The following KCND2 variants were observed in gnomAD, a reference collection of about 807,000 sequenced individuals.
KCND2 encodes the protein A-type voltage-gated potassium channel KCND2.
Under a neutral mutation model 54.4 loss-of-function variants are expected in KCND2, and 16 were observed. The ratio of observed to expected loss-of-function variants is 0.29; its 90% CI spans 0.20 to 0.45. The LOEUF (loss-of-function observed/expected upper bound fraction) is 0.45, where lower values mean the gene tolerates loss of function less well. KCND2 is among the 20% of genes least tolerant of loss of function. The pLI, the probability that KCND2 is intolerant of heterozygous loss-of-function variation, is 1.00. For missense variants in KCND2, 486 were observed against 824.2 expected (o/e 0.59, Z 5.02); for synonymous variants, 317 against 310.7 (o/e 1.02, Z -0.21).
At chr7:120,305,713 A>G (rs1799644284) in intron 1 of KCND2, among the ~76,000 whole-genome samples, 1 of 152,156 alleles carries the variant, frequency 6.6e-6, no homozygotes, top group African/African-American at 2.4e-5. Flanking sequence ...ACTTCTCTGC[A>G]AATTGAATCC....
At chr7:120,287,680 C>T (rs1799367206) in intron 1 of KCND2, among the ~76,000 whole-genome samples, 1 of 152,008 alleles carries the variant, frequency 6.6e-6, no homozygotes, top group Non-Finnish European at 1.5e-5. Context: ...TAGTGAAATA[C>T]TGTCTCTACT....
At chr7:120,277,877 G>T (rs1230752954) in intron 1 of KCND2, among the ~76,000 whole-genome samples, 1 of 151,934 alleles carries the variant, frequency 6.6e-6, no homozygotes, top group East Asian at 1.9e-4. Context: ...AGTGGATTTA[G>T]TTCACATGTT....
At chr7:120,563,201 T>C (rs1030009878) in intron 1 of KCND2, among the ~76,000 whole-genome samples, 3 of 152,088 alleles carry the variant, frequency 2.0e-5, no homozygotes, top group African/African-American at 7.2e-5. Context: ...AAGTAAACAT[T>C]CCCCCTTTCC....
intron 1 of KCND2, among the ~76,000 whole-genome samples, chr7:120,417,584 G>A (rs1225930235): frequency 6.6e-6 from 1 of 152,100 alleles, no homozygotes; most frequent in South Asian, 2.1e-4. Context: ...GAAATAAAAG[G>A]CTAAAACAAA....
chr7:120,649,423 A>G (rs1300421016), intron 1 of KCND2, among the ~76,000 whole-genome samples: 1 of 152,288 alleles, frequency 6.6e-6, no homozygotes, highest in Non-Finnish European at 1.5e-5. Context: ...TGCCAACTTT[A>G]AGTACATAGT....
intron 1 of KCND2, among the ~76,000 whole-genome samples, chr7:120,355,425 T>C (rs1800488631): frequency 2.0e-5 from 3 of 152,184 alleles, no homozygotes; most frequent in Admixed American, 1.3e-4. Flanking sequence ...TGTGTGCCTG[T>C]AGTCTCAGCC....
intron 1 of KCND2, among the ~76,000 whole-genome samples, chr7:120,462,362 G>A (rs559100960): frequency 1.1e-4 from 17 of 151,962 alleles, no homozygotes; most frequent in African/African-American, 4.1e-4. Flanking sequence ...AAAGAAGCAT[G>A]TTCAACATAA....
At chr7:120,323,012 G>A (rs918108338) in intron 1 of KCND2, among the ~76,000 whole-genome samples, 7 of 152,046 alleles carry the variant, frequency 4.6e-5, no homozygotes, top group Non-Finnish European at 5.9e-5. Context: ...TAAGTTCTGG[G>A]ATACATGTGC....
intron 1 of KCND2, among the ~76,000 whole-genome samples, chr7:120,646,028 A>C (rs1793438254): frequency 6.6e-6 from 1 of 152,200 alleles, no homozygotes; most frequent in African/African-American, 2.4e-5. Flanking sequence ...TCTTTTGTGC[A>C]GCTGTGGACC....
intron 1 of KCND2, among the ~76,000 whole-genome samples, chr7:120,438,595 G>A (rs777045325): frequency 1.8e-4 from 28 of 152,054 alleles, no homozygotes; most frequent in Non-Finnish European, 3.1e-4. Context: ...TAATACTAGT[G>A]GGTCTTTTTT....
At chr7:120,333,785 C>CA (rs1584734650) in intron 1 of KCND2, among the ~76,000 whole-genome samples, 1 of 152,092 alleles carries the variant, frequency 6.6e-6, no homozygotes, top group East Asian at 1.9e-4. Context: ...TATCTATTAG[C>CA]ATTCATCAAA....
chr7:120,427,124 C>T (rs1174612409), intron 1 of KCND2, among the ~76,000 whole-genome samples: 6 of 152,132 alleles, frequency 3.9e-5, no homozygotes, highest in East Asian at 3.8e-4. Flanking sequence ...CAGTGTTTCT[C>T]GTTGTCTTCC....
Position 120,750,283 on chromosome 7 carries a change from A to G in KCND2, c.*2425A>G, listed in dbSNP as rs939794645. The stretch of plus-strand genomic sequence containing the variant: ...AATATCTGCATTATGCTGGAAAAAA[A>G]TAGACCTTTGGAGAATACTTAAATA... On this transcript the variant is annotated 3_prime_UTR_variant, in exon 6 of 6. Transcript: ENST00000331113. The G allele has an allele frequency of 1.3e-5, 2 of 152,420 alleles. No individual in the cohort carries two copies. Among genetic ancestry groups the G allele is most frequent in the African/African-American group, 4.8e-5 (2 of 41,448 alleles). 9.4% of individuals were successfully genotyped at this position (152,420 alleles called of 1,614,324 possible). A position where few individuals can be genotyped will look rare whatever the true frequency, so the allele number is the denominator to read the frequency against.
intron 1 of KCND2, among the ~76,000 whole-genome samples, chr7:120,536,059 C>G (rs1364638359): frequency 6.6e-6 from 1 of 152,092 alleles, no homozygotes; most frequent in African/African-American, 2.4e-5. Context: ...TAATAATAGG[C>G]TTACCTCAGA....
At chr7:120,481,460 T>C (rs923233257) in intron 1 of KCND2, among the ~76,000 whole-genome samples, 11 of 152,176 alleles carry the variant, frequency 7.2e-5, no homozygotes, top group African/African-American at 2.7e-4. Context: ...CTAGGTATTA[T>C]TGACCATTTA....
intron 1 of KCND2, among the ~76,000 whole-genome samples, chr7:120,556,960 T>C (rs1028695607): frequency 1.3e-5 from 2 of 152,334 alleles, no homozygotes; most frequent in Non-Finnish European, 2.9e-5. Context: ...ATAGTGCATA[T>C]TGATAAACCA....
At chr7:120,745,073 A>G (rs1792989197) in intron 4 of KCND2, among the ~76,000 whole-genome samples, 1 of 152,182 alleles carries the variant, frequency 6.6e-6, no homozygotes, top group Admixed American at 6.6e-5. Flanking sequence ...TACAGAGATC[A>G]TGAGTACAGC....
At chr7:120,669,722 T>C (rs1409954636) in intron 1 of KCND2, among the ~76,000 whole-genome samples, 1 of 152,150 alleles carries the variant, frequency 6.6e-6, no homozygotes, top group Non-Finnish European at 1.5e-5. Flanking sequence ...TTGTGAAGTC[T>C]GCGCCAGTGA....
At chr7:120,655,305 A>G (rs117985594) in intron 1 of KCND2, among the ~76,000 whole-genome samples, 158 of 152,216 alleles carry the variant, frequency 1.0e-3, no homozygotes, top group Non-Finnish European at 1.8e-3. Context: ...AGGCATAATA[A>G]TCAAAGAAAA....
Sources: gnomAD v4.1 joint callset for allele counts (sites outside exome capture counted in the v4.1 genomes callset) on GRCh38, gnomAD v4.1.1 for gene constraint, MANE v1.5 for transcripts, NCBI Gene and HGNC (gene_info 2026-07-23, HGNC 2026-07-21) for gene names.